SIK3: variants seen among roughly 807,000 people sequenced by gnomAD.
The protein encoded by SIK3 is SIK family kinase 3.
SIK3 carries 28 observed loss-of-function variants against 144.2 expected under a neutral mutation model. That is an observed-to-expected ratio of 0.19 (90% CI 0.14 to 0.27). The LOEUF (loss-of-function observed/expected upper bound fraction) is 0.27. SIK3 is among the 10% of genes least tolerant of loss of function. The pLI is 1.00. For synonymous variants in SIK3, 686 were observed against 676.3 expected (o/e 1.01, Z -0.22); for missense variants, 1,319 against 1,776.0 (o/e 0.74, Z 4.62).
chr11:116,856,957 C>T (rs531621800), intron 21 of SIK3: 2 of 152,268 alleles, frequency 1.3e-5, no homozygotes, highest in East Asian at 3.9e-4. Flanking sequence ...CCTTGGATGG[C>T]AATGGTGAGG....
rs60102923 is a variant in SIK3 at position 116,969,289 on chromosome 11, C to CAAAA, written c.274-12229_274-12226dup. On this transcript the variant is annotated intron_variant, in intron 1 of 24. Transcript: ENST00000445177. Reference sequence around the variant, plus strand: ...TGGGAGACAGAGCAAGACTCCGTCTCAAAAAAAAAAAAAAAAAAAAAAAGA... The same window carrying CAAAA: ...TGGGAGACAGAGCAAGACTCCGTCTCAAAAAAAAAAAAAAAAAAAAAAAAAAAGA... 1.8e-4 allele frequency among the ~76,000 whole-genome samples: 13 copies of CAAAA among 73,602 alleles called. 1 individual carries two copies. The highest frequency in any genetic ancestry group is 3.7e-4 in the African/African-American group (7 of 18,808). The allele number at this position is 73,602 out of a possible 152,430, so 48.3% of individuals were successfully genotyped here.
At chr11:116,927,499 A>G (rs1947339377) in intron 3 of SIK3, 119 bp from the exon 4 acceptor site, 1 of 830,422 alleles carries the variant, frequency 1.2e-6, no homozygotes, top group African/African-American at 1.7e-5. Context: ...AAAATGAGCA[A>G]TGAGAGAACA....
rs1413605453 is a variant in SIK3, at chr11:116,858,699, G to A, written c.2766C>T (p.Ser922=). The part of the protein sequence containing the change: ...QLSADSAEAH[S]LNVNRFSPAN... ...CAGGGGAGAACCGATTCACGTTCAA[G>A]CTGCAGACACAAAAGGGAGTACCAG... is the stretch of plus-strand genomic sequence containing the variant. The change falls in exon 21 of 25, where the codon AGC becomes AGT. Residue 922 remains serine, a splice_region_variant and synonymous_variant. Coordinates refer to ENST00000445177, the MANE Select transcript of SIK3 (RefSeq NM_001366686.3). The surrounding 1 kb of genome is among the most constrained non-coding windows in gnomAD (Gnocchi z 5.4). 4.6e-6 allele frequency: 7 copies of A among 1,530,526 alleles called. No individual in the cohort carries two copies. The highest frequency in any genetic ancestry group is 1.4e-5 in the African/African-American group (1 of 72,256). The allele number at this position is 1,530,526 out of a possible 1,614,324, so 94.8% of individuals were successfully genotyped here. A position where few individuals can be genotyped will look rare whatever the true frequency, so the allele number is the denominator to read the frequency against.
chr11:117,070,659 T>TG (rs1240821726), intron 1 of SIK3, among the ~76,000 whole-genome samples: 1 of 151,912 alleles, frequency 6.6e-6, no homozygotes, highest in East Asian at 1.9e-4. Flanking sequence ...TTGGCCAGGC[T>TG]GGTCTCGAAC....
intron 1 of SIK3, among the ~76,000 whole-genome samples, chr11:116,960,706 G>C (rs1949312336): frequency 6.6e-6 from 1 of 152,054 alleles, no homozygotes; most frequent in Non-Finnish European, 1.5e-5. Context: ...GTAAAATGTG[G>C]GCAACAATGG....
chr11:116,998,051 G>T (rs1395808678), intron 1 of SIK3, among the ~76,000 whole-genome samples: 2 of 151,716 alleles, frequency 1.3e-5, no homozygotes, highest in East Asian at 3.9e-4. Flanking sequence ...ACAGGGTCTT[G>T]CTATGTTACC....
intron 1 of SIK3, among the ~76,000 whole-genome samples, chr11:116,981,567 A>G (rs1392074536): frequency 6.6e-6 from 1 of 152,240 alleles, no homozygotes; most frequent in Non-Finnish European, 1.5e-5. Flanking sequence ...GAGGTTCTAG[A>G]AGAGCAGGAG....
rs1220740530 is a variant in SIK3 at position 116,889,824 on chromosome 11, G to A, written c.865+6429C>T. ...AGGTGGGAGGATGGCTTGGGCCCAGGAGGCGGAGGCTGCAGTGAGCCAAGA... is the reference window on the plus strand; with the variant it reads ...AGGTGGGAGGATGGCTTGGGCCCAGAAGGCGGAGGCTGCAGTGAGCCAAGA... On this transcript the variant is annotated intron_variant, in intron 6 of 24. Coordinates refer to ENST00000445177, the MANE Select transcript of SIK3 (RefSeq NM_001366686.3). 2.0e-5 allele frequency among the ~76,000 whole-genome samples: 3 copies of A among 152,320 alleles called. No individual in the cohort carries two copies. The South Asian group carries it at 6.2e-4, about 32-fold the overall frequency.
At chr11:116,989,124 T>C (rs531002277) in intron 1 of SIK3, among the ~76,000 whole-genome samples, 5 of 151,742 alleles carry the variant, frequency 3.3e-5, no homozygotes, top group Non-Finnish European at 7.4e-5. Context: ...AAACATGTCT[T>C]ACCCAAGCAG....
chr11:116,915,124 ATGTGTGTGTG>A (rs35059138), intron 4 of SIK3, among the ~76,000 whole-genome samples: 7,198 of 129,946 alleles, frequency 0.055, 598 homozygotes, highest in African/African-American at 0.19. Flanking sequence ...GAAGCCATAT[ATGTGTGTGTG>A]TGTGTGTGTG....
intron 21 of SIK3, chr11:116,857,526 G>A: frequency 7.2e-6 from 3 of 413,942 alleles, no homozygotes; most frequent in Non-Finnish European, 8.4e-6. Flanking sequence ...TTGGATGGCA[G>A]TCAGGAATTT....
chr11:117,098,080 G>C (rs888094696), intron 1 of SIK3, 63 bp downstream of exon 1: 5 of 1,259,754 alleles, frequency 4.0e-6, no homozygotes, highest in African/African-American at 1.6e-5. Flanking sequence ...CCCCCGGCTG[G>C]GGGGCGCGGA....
intron 4 of SIK3, 72 bp downstream of exon 4, chr11:116,927,147 T>C: frequency 9.1e-7 from 1 of 1,094,092 alleles, no homozygotes; most frequent in Non-Finnish European, 1.3e-6. Flanking sequence ...TGGAAACAGA[T>C]AATCCCTTGC....
rs754633188 is a variant in SIK3 at position 117,020,236 on chromosome 11, C to CATATATATATATATATATATATATAT, written c.274-63173_274-63172insATATATATATATATATATATATATAT. Reference sequence around the variant, plus strand: ...GGTGATATTTGTATGTGTATATGTGCATATATATATACACATACATATATC... The same window carrying CATATATATATATATATATATATATAT: ...GGTGATATTTGTATGTGTATATGTGCATATATATATATATATATATATATATATATATATATACACATACATATATC... On this transcript the variant is annotated intron_variant, in intron 1 of 24. Transcript: ENST00000445177. 2.4e-3 allele frequency among the ~76,000 whole-genome samples: 294 copies of CATATATATATATATATATATATATAT among 122,258 alleles called. 8 individuals carry two copies. The highest frequency in any genetic ancestry group is 8.6e-3 in the African/African-American group (233 of 27,128). 80.2% of individuals were successfully genotyped at this position (122,258 alleles called of 152,430 possible). A position where few individuals can be genotyped will look rare whatever the true frequency, so the allele number is the denominator to read the frequency against.
At chr11:117,045,676 TG>T (rs1352083714) in intron 1 of SIK3, among the ~76,000 whole-genome samples, 1 of 152,204 alleles carries the variant, frequency 6.6e-6, no homozygotes, top group African/African-American at 2.4e-5. Context: ...AGGGCAGTGG[TG>T]AGACCCACAA....
intron 1 of SIK3, among the ~76,000 whole-genome samples, chr11:117,058,937 T>C (rs1438770141): frequency 6.6e-6 from 1 of 152,240 alleles, no homozygotes; most frequent in Non-Finnish European, 1.5e-5. Flanking sequence ...GAACTGCGGA[T>C]ACTGATGACT....
intron 4 of SIK3, among the ~76,000 whole-genome samples, chr11:116,909,659 G>A (rs1301195058): frequency 6.6e-6 from 1 of 152,176 alleles, no homozygotes; most frequent in African/African-American, 2.4e-5. Context: ...ACAATCATTA[G>A]GGCTTTTGAG....
intron 1 of SIK3, among the ~76,000 whole-genome samples, chr11:116,984,778 G>C (rs1950269889): frequency 6.6e-6 from 1 of 152,002 alleles, no homozygotes; most frequent in Admixed American, 6.6e-5. Context: ...AAATACCAAG[G>C]CCATTACGCA....
chr11:116,870,105 A>T (rs1943887018), intron 14 of SIK3: 1 of 1,511,578 alleles, frequency 6.6e-7, no homozygotes, highest in African/African-American at 1.4e-5. Flanking sequence ...TCTTATGGTT[A>T]TTGCTGTCAC....
Sources: gnomAD v4.1 joint callset for allele counts (sites outside exome capture counted in the v4.1 genomes callset) on GRCh38, gnomAD v4.1.1 for gene constraint, Gnocchi (gnomAD v3.1) non-coding constraint, MANE v1.5 for transcripts, NCBI Gene and HGNC (gene_info 2026-07-23, HGNC 2026-07-21) for gene names.